The following MROH2B variants were observed in gnomAD, a reference collection of about 807,000 sequenced individuals.
The protein encoded by MROH2B is maestro heat like repeat family member 2B.
In MROH2B, 177 loss-of-function variants were observed where a neutral mutation model predicts 208.6. The observed-to-expected ratio is 0.85, with a 90% CI of 0.75 to 0.96. The LOEUF (loss-of-function observed/expected upper bound fraction) is 0.96. MROH2B is among the 40% of genes least tolerant of loss of function. The pLI is 0.00. For synonymous variants in MROH2B, 728 were observed against 659.0 expected, an observed-to-expected ratio of 1.10 and a Z score of -1.60; for missense variants, 2,002 against 1,878.7, an observed-to-expected ratio of 1.07 and a Z score of -1.21.
rs1220438664 is a variant in MROH2B, at chr5:41,065,329, A to G, written c.361+2T>C. On this transcript the variant is annotated splice_donor_variant, in intron 4 of 41. Coordinates refer to ENST00000399564, the MANE Select transcript of MROH2B (RefSeq NM_173489.5). LOFTEE classifies it high-confidence loss of function. ...GAAAATTGGAGAATATTCCCGCTAT[A>G]CCATAGCTGGTTGCCAATTCAGCCA... 9 of 1,610,268 alleles carry G rather than the reference A, an allele frequency of 5.6e-6. No individual in the cohort carries two copies. The highest frequency in any genetic ancestry group is 6.8e-6 in the Non-Finnish European group (8 of 1,178,270).
chr5:41,062,928 T>A (rs1037980021), intron 5 of MROH2B, among the ~76,000 whole-genome samples: 2 of 152,174 alleles, frequency 1.3e-5, no homozygotes, highest in African/African-American at 4.8e-5. Flanking sequence ...TCTTGCTGGT[T>A]CATGGTATGT....
chr5:41,008,316 C>G (rs1177995277), intron 33 of MROH2B, among the ~76,000 whole-genome samples: 1 of 151,984 alleles, frequency 6.6e-6, no homozygotes, highest in Non-Finnish European at 1.5e-5. Flanking sequence ...AGATTCCAGC[C>G]TCTCTAGAAA....
At chr5:41,032,685 A>G in intron 24 of MROH2B, 57 bp downstream of exon 24, 1 of 1,394,840 alleles carries the variant, frequency 7.2e-7, no homozygotes, top group Non-Finnish European at 1.0e-6. Context: ...TTAGTTGATC[A>G]GGAGGAGGAT....
intron 24 of MROH2B, among the ~76,000 whole-genome samples, chr5:41,032,085 A>G (rs780514004): frequency 4.6e-5 from 7 of 152,108 alleles, no homozygotes; most frequent in Non-Finnish European, 7.4e-5. Flanking sequence ...TCCCCTGGGT[A>G]TATACCAAGG....
At chr5:41,049,480 C>T in intron 13 of MROH2B, 44 bp from the exon 14 acceptor site, 2 of 1,569,948 alleles carry the variant, frequency 1.3e-6, no homozygotes, top group Non-Finnish European at 1.7e-6. Context: ...TATTCTTTTC[C>T]ATTATTTCTC....
At chr5:41,018,659 T>G in intron 26 of MROH2B, 32 bp downstream of exon 26, 754 of 1,595,090 alleles carry the variant, frequency 4.7e-4, no homozygotes, top group Non-Finnish European at 6.0e-4. Context: ...TTAGGGAGAA[T>G]GAGAATCAGT....
At chr5:41,019,266 C>T (rs977017839) in intron 24 of MROH2B, among the ~76,000 whole-genome samples, 2 of 152,132 alleles carry the variant, frequency 1.3e-5, no homozygotes, top group Admixed American at 6.5e-5. Flanking sequence ...AATCATCACT[C>T]ACTTTGTGTT....
At chr5:41,014,562 T>G (rs1741876771) in intron 29 of MROH2B, among the ~76,000 whole-genome samples, 2 of 152,124 alleles carry the variant, frequency 1.3e-5, no homozygotes, top group Admixed American at 1.3e-4. Context: ...GTTGTAAACA[T>G]GTACCCTAGA....
intron 24 of MROH2B, among the ~76,000 whole-genome samples, chr5:41,025,310 A>G (rs1347229049): frequency 6.6e-6 from 1 of 152,188 alleles, no homozygotes; most frequent in Non-Finnish European, 1.5e-5. Context: ...AGAAGAAAAG[A>G]GAGAGGAATC....
chr5:41,039,566 A>T lies in MROH2B; in HGVS notation c.1954-11T>A, dbSNP rs1326258204. The T allele has an allele frequency of 7.2e-6, 11 of 1,529,428 alleles. No homozygotes were observed. Among genetic ancestry groups the T allele is most frequent in the Non-Finnish European group, 8.9e-6 (10 of 1,118,390 alleles). 94.7% of individuals were successfully genotyped at this position (1,529,428 alleles called of 1,614,324 possible). On this transcript the variant is annotated splice_polypyrimidine_tract_variant and intron_variant, in intron 19 of 41. Coordinates refer to ENST00000399564, the MANE Select transcript of MROH2B (RefSeq NM_173489.5). ...AATAGATGTTATTCCCTAAAATCAG[A>T]AAAGGTATGACATTTTGAGTTTAAC... is the stretch of plus-strand genomic sequence containing the variant.
chr5:41,041,666 C>T (rs1742956084), intron 19 of MROH2B, among the ~76,000 whole-genome samples: 2 of 152,046 alleles, frequency 1.3e-5, no homozygotes, highest in Non-Finnish European at 2.9e-5. Context: ...CTTCTCCTTC[C>T]TCCACATTTA....
chr5:41,058,233 T>C, intron 6 of MROH2B, 30 bp from the exon 7 acceptor site: 1 of 1,460,532 alleles, frequency 6.8e-7, no homozygotes, highest in Non-Finnish European at 9.1e-7. Flanking sequence ...ATACCGTTTC[T>C]GAAACTTCCT....
In MROH2B at chr5:41,004,210, T is replaced by C. The variant is rs375591246; in HGVS notation, c.4194+136A>G. 18 of 919,030 alleles carry C rather than the reference T, an allele frequency of 2.0e-5. No homozygotes were observed. The African/African-American group carries it at 2.2e-4, about 11-fold the overall frequency. 56.9% of individuals were successfully genotyped at this position (919,030 alleles called of 1,614,324 possible). ...AGGAAGCCAACAGCTTGTATAGAGA[T>C]TGTCTGCAGGTGACCTGTCTGGGGC... On this transcript the variant is annotated intron_variant, in intron 37 of 41. Coordinates refer to ENST00000399564, the MANE Select transcript of MROH2B (RefSeq NM_173489.5).
At position 41,055,862 on chromosome 5, in the gene MROH2B, G is replaced by A; in HGVS notation, c.920-7C>T. On this transcript the variant is annotated splice_region_variant and splice_polypyrimidine_tract_variant and intron_variant, in intron 9 of 41. Transcript: ENST00000399564. ...TCTCCAGGATTGGAATGGGCTGCAGGTTCAAGAAACACTAGAGCTGTAACT... is the reference window on the plus strand; with the variant it reads ...TCTCCAGGATTGGAATGGGCTGCAGATTCAAGAAACACTAGAGCTGTAACT... 1.3e-6 allele frequency: 2 copies of A among 1,597,604 alleles called. No homozygotes were observed. Among genetic ancestry groups the A allele is most frequent in the Non-Finnish European group, 1.7e-6 (2 of 1,165,252 alleles).
intron 24 of MROH2B, among the ~76,000 whole-genome samples, chr5:41,022,503 G>T (rs541400213): frequency 6.6e-6 from 1 of 152,226 alleles, no homozygotes; most frequent in African/African-American, 2.4e-5. Flanking sequence ...GGCTGGGGGA[G>T]GGGCGCCCGC....
intron 34 of MROH2B, 139 bp from the exon 35 acceptor site, chr5:41,005,784 AC>A: frequency 1.4e-6 from 1 of 706,958 alleles, no homozygotes; most frequent in Non-Finnish European, 2.4e-6. Context: ...TAATCCTAGA[AC>A]TTTGGGAGGC....
chr5:41,015,317 T>C, intron 29 of MROH2B, 64 bp downstream of exon 29: 4 of 1,399,442 alleles, frequency 2.9e-6, no homozygotes, highest in Non-Finnish European at 4.0e-6. Flanking sequence ...GGGGAGTATG[T>C]AGCTTACTCA....
chr5:41,001,312 T>C (rs1267185285), intron 37 of MROH2B, among the ~76,000 whole-genome samples: 1 of 152,180 alleles, frequency 6.6e-6, no homozygotes, highest in East Asian at 1.9e-4. Flanking sequence ...ATTTGGGCCT[T>C]GGTTCTCAGA....
intron 41 of MROH2B, among the ~76,000 whole-genome samples, chr5:40,998,400 C>T (rs1016130924): frequency 1.3e-5 from 2 of 152,150 alleles, no homozygotes; most frequent in Non-Finnish European, 2.9e-5. Flanking sequence ...ATTGGAAAAT[C>T]GTAGTCTATT....
Sources: allele counts gnomAD v4.1 joint callset (sites outside exome capture counted in the v4.1 genomes callset), GRCh38; gene constraint gnomAD v4.1.1; transcripts MANE v1.5; gene names NCBI Gene and HGNC (gene_info 2026-07-23, HGNC 2026-07-21).